AKAP6: variants seen among roughly 807,000 people sequenced by gnomAD.
AKAP6 encodes the protein A-kinase anchor protein 6.
Under a neutral mutation model 188.5 loss-of-function variants are expected in AKAP6, and 58 were observed. The observed-to-expected ratio is 0.31, with a 90% confidence interval of 0.25 to 0.38. AKAP6 has a LOEUF of 0.38. Among genes scored for constraint, AKAP6 ranks in the 10% least tolerant of loss-of-function variants. The probability of loss-of-function intolerance (pLI) is 1.00; values close to 1 mark genes in which losing one functional copy is unlikely to be tolerated. For missense variants in AKAP6, 2,710 were observed against 2,740.0 expected (o/e 0.99, Z 0.24); for synonymous variants, 989 against 998.6 (o/e 0.99, Z 0.18).
intron 11 of AKAP6, among the ~76,000 whole-genome samples, chr14:32,764,359 T>G (rs904532227): frequency 1.3e-5 from 2 of 152,306 alleles, no homozygotes; most frequent in Admixed American, 1.3e-4. Context: ...CTGTTACATA[T>G]TTGCAGGCCT....
intron 9 of AKAP6, among the ~76,000 whole-genome samples, chr14:32,717,679 A>G (rs900868320): frequency 6.6e-6 from 1 of 151,926 alleles, no homozygotes; most frequent in Non-Finnish European, 1.5e-5. Context: ...TTGAATATTT[A>G]TAGCAGACTC....
Position 32,441,401 on chromosome 14 carries a change from G to A in AKAP6, c.324+7584G>A, listed in dbSNP as rs148640531. On this transcript the variant is annotated intron_variant, in intron 2 of 13. Coordinates refer to ENST00000280979, the MANE Select transcript of AKAP6 (RefSeq NM_004274.5). Reference sequence around the variant, plus strand: ...TTGAATGGCTAATTTTAGATATTTAGAAGACCCAATTATGTGGGAAAAAGT... The same window carrying A: ...TTGAATGGCTAATTTTAGATATTTAAAAGACCCAATTATGTGGGAAAAAGT... Among the ~76,000 whole-genome samples the A allele has an allele frequency of 2.1e-3, 316 of 152,284 alleles. 5 individuals carry two copies. The highest frequency in any genetic ancestry group is 2.1e-3 in the Non-Finnish European group (141 of 68,030).
chr14:32,437,801 T>C (rs1004615047), intron 2 of AKAP6, among the ~76,000 whole-genome samples: 1 of 152,184 alleles, frequency 6.6e-6, no homozygotes, highest in Non-Finnish European at 1.5e-5. Flanking sequence ...GATTTCACCA[T>C]GTTGCCCAGG....
At chr14:32,458,731 G>A (rs1010676335) in intron 2 of AKAP6, among the ~76,000 whole-genome samples, 5 of 152,050 alleles carry the variant, frequency 3.3e-5, no homozygotes, top group Middle Eastern at 3.4e-3. Context: ...AATGATAGAA[G>A]CTATGAAATA....
intron 2 of AKAP6, among the ~76,000 whole-genome samples, chr14:32,467,055 G>C (rs983305646): frequency 2.6e-5 from 4 of 151,438 alleles, no homozygotes; most frequent in Non-Finnish European, 5.9e-5. Flanking sequence ...TTGAGGTGAA[G>C]AGTGGGAGGA....
chr14:32,413,463 C>T (rs1012205846), intron 1 of AKAP6, among the ~76,000 whole-genome samples: 7 of 152,000 alleles, frequency 4.6e-5, no homozygotes, highest in Non-Finnish European at 7.4e-5. Context: ...GTTATAGGCA[C>T]GAGCCACTGT....
chr14:32,626,715 A>G (rs1887039738), intron 7 of AKAP6, among the ~76,000 whole-genome samples: 1 of 151,984 alleles, frequency 6.6e-6, no homozygotes, highest in Non-Finnish European at 1.5e-5. Flanking sequence ...ATACTGCTTC[A>G]CCCATTAAGC....
intron 6 of AKAP6, among the ~76,000 whole-genome samples, 192 bp downstream of exon 6, chr14:32,599,698 T>G (rs1389993696): frequency 7.2e-5 from 11 of 152,202 alleles, no homozygotes; most frequent in Admixed American, 7.2e-4. Context: ...GATGAAATAC[T>G]GCCTCCAAAT....
intron 1 of AKAP6, among the ~76,000 whole-genome samples, chr14:32,351,723 G>A (rs1037767124): frequency 1.3e-5 from 2 of 152,094 alleles, no homozygotes; most frequent in Admixed American, 6.5e-5. Flanking sequence ...CTAGCTAGCC[G>A]AAGTTGTTAG....
At chr14:32,504,080 A>G (rs2138993740) in intron 2 of AKAP6, among the ~76,000 whole-genome samples, 1 of 151,928 alleles carries the variant, frequency 6.6e-6, no homozygotes, top group Non-Finnish European at 1.5e-5. Flanking sequence ...TTATTATTCA[A>G]TTTTTCTTCT....
intron 2 of AKAP6, among the ~76,000 whole-genome samples, chr14:32,467,766 G>T (rs1287838151): frequency 6.6e-6 from 1 of 151,994 alleles, no homozygotes; most frequent in African/African-American, 2.4e-5. Flanking sequence ...TGTAATTCCT[G>T]CAATATCACA....
intron 1 of AKAP6, among the ~76,000 whole-genome samples, chr14:32,427,144 C>G (rs546192666): frequency 5.3e-5 from 8 of 152,184 alleles, no homozygotes; most frequent in Admixed American, 5.2e-4. Context: ...GCTGTTTCCC[C>G]CCTGGGGCAC....
At chr14:32,720,643 C>T (rs1484111713) in intron 9 of AKAP6, among the ~76,000 whole-genome samples, 2 of 152,150 alleles carry the variant, frequency 1.3e-5, no homozygotes, top group East Asian at 3.8e-4. Context: ...AAAGATTTTT[C>T]TTTTCCTTTT....
chr14:32,560,419 A>G (rs1415524536), intron 4 of AKAP6, among the ~76,000 whole-genome samples: 1 of 136,400 alleles, frequency 7.3e-6, no homozygotes, highest in East Asian at 1.9e-4. Context: ...TAGAGCTTTC[A>G]ATGGGTCTTG....
intron 2 of AKAP6, among the ~76,000 whole-genome samples, chr14:32,459,366 G>A (rs933914210): frequency 6.6e-6 from 1 of 152,024 alleles, no homozygotes; most frequent in Non-Finnish European, 1.5e-5. Context: ...GAACTCTATT[G>A]TATGTTTACT....
At position 32,685,080 on chromosome 14, in the gene AKAP6, AC is replaced by A. The variant is rs200586447; in HGVS notation, c.2879+6629del. Among the ~76,000 whole-genome samples, 7 of 117,490 alleles carry A rather than the reference AC, an allele frequency of 6.0e-5. No homozygotes were observed. The South Asian group carries it at 1.7e-3, about 28-fold the overall frequency. 77.1% of individuals were successfully genotyped at this position (117,490 alleles called of 152,430 possible). A position where few individuals can be genotyped will look rare whatever the true frequency, so the allele number is the denominator to read the frequency against. Reference sequence around the variant, plus strand: ...AGACCAGCCTTGGTAACATAGTAAGACCCCCCCCTACCAAACCTACAAAAAA... The same window carrying A: ...AGACCAGCCTTGGTAACATAGTAAGACCCCCCCTACCAAACCTACAAAAAA... On this transcript the variant is annotated intron_variant, in intron 8 of 13. Transcript: ENST00000280979.
At chr14:32,737,556 C>T (rs1054671755) in intron 11 of AKAP6, among the ~76,000 whole-genome samples, 4 of 152,134 alleles carry the variant, frequency 2.6e-5, no homozygotes, top group Non-Finnish European at 4.4e-5. Flanking sequence ...GATGAAACAG[C>T]TCAGACAGGA....
intron 5 of AKAP6, among the ~76,000 whole-genome samples, chr14:32,597,571 T>A (rs1023983187): frequency 3.3e-5 from 5 of 152,208 alleles, no homozygotes; most frequent in Non-Finnish European, 7.3e-5. Flanking sequence ...ATAGTTTGGA[T>A]TGATCAGAAG....
chr14:32,773,483 G>A (rs2032958795), intron 11 of AKAP6, among the ~76,000 whole-genome samples, 195 bp from the exon 12 acceptor site: 2 of 152,174 alleles, frequency 1.3e-5, no homozygotes, highest in Admixed American at 6.5e-5. Flanking sequence ...GGAATGGGAT[G>A]CAGCTAAATT....
Sources: allele counts gnomAD v4.1 joint callset (sites outside exome capture counted in the v4.1 genomes callset), GRCh38; gene constraint gnomAD v4.1.1; transcripts MANE v1.5; gene names NCBI Gene and HGNC (gene_info 2026-07-23, HGNC 2026-07-21).